The following CFAP299 variants were observed in gnomAD, a reference collection of about 807,000 sequenced individuals.
CFAP299 encodes cilia- and flagella-associated protein 299.
Under a neutral mutation model 27.0 loss-of-function variants are expected in CFAP299, and 21 were observed. The observed-to-expected ratio is 0.78, with a 90% CI of 0.55 to 1.12. The LOEUF (loss-of-function observed/expected upper bound fraction) is 1.12. CFAP299 is among the 50% of genes most tolerant of loss of function. The pLI is 0.00. For synonymous variants in CFAP299, 104 were observed against 98.1 expected, an observed-to-expected ratio of 1.06 and a Z score of -0.36; for missense variants, 310 against 276.6, an observed-to-expected ratio of 1.12 and a Z score of -0.86.
chr4:80,931,265 T>C (rs989379293), intron 4 of CFAP299, among the ~76,000 whole-genome samples: 1 of 152,072 alleles, frequency 6.6e-6, no homozygotes, highest in Admixed American at 6.6e-5. Context: ...AGCAACAATT[T>C]TCCTGTAGGC....
intron 2 of CFAP299, among the ~76,000 whole-genome samples, chr4:80,483,189 G>A (rs1331654015): frequency 1.2e-4 from 19 of 152,230 alleles, no homozygotes; most frequent in Admixed American, 1.2e-3. Flanking sequence ...GCCATTGCTG[G>A]CTTTGAGGGC....
upstream of CFAP299, among the ~76,000 whole-genome samples, chr4:80,335,067 A>C (rs28565042): frequency 0.025 from 3,871 of 152,324 alleles, 169 homozygotes; most frequent in African/African-American, 0.084. Flanking sequence ...AAAACAAAAA[A>C]TCTTTAGTGA....
Position 80,819,229 on chromosome 4 carries a change from G to T in CFAP299, c.334-50764G>T, listed in dbSNP as rs186269121. On this transcript the variant is annotated intron_variant, in intron 3 of 5. Transcript: ENST00000358105. ...GTCAGAGCAACAACAAATTTAGAGA[G>T]TAGAAAGAGTGATATCTGGGGGCTT... 2.4e-4 allele frequency among the ~76,000 whole-genome samples: 36 copies of T among 152,188 alleles called. 1 individual carries two copies. Among genetic ancestry groups the T allele is most frequent in the African/African-American group, 7.9e-4 (33 of 41,540 alleles).
In CFAP299 at chr4:80,631,907, A is replaced by G. The variant is rs528618414; in HGVS notation, c.333+48724A>G. 8.0e-5 allele frequency among the ~76,000 whole-genome samples: 10 copies of G among 125,262 alleles called. No individual in the cohort carries two copies. In the South Asian group the frequency reaches 2.2e-3, roughly 28 times the overall value. The allele number at this position is 125,262 out of a possible 152,430, so 82.2% of individuals were successfully genotyped here. On this transcript the variant is annotated intron_variant, in intron 3 of 5. Coordinates refer to ENST00000358105, the MANE Select transcript of CFAP299 (RefSeq NM_152770.3). ...TCATATGTTAACATTCTGACATCCA[A>G]TGTGCTGGTATTAGGCAGTGAGGCA...
chr4:80,710,993 T>C (rs1722131779), intron 3 of CFAP299, among the ~76,000 whole-genome samples: 1 of 152,142 alleles, frequency 6.6e-6, no homozygotes, highest in Admixed American at 6.5e-5. Context: ...GTATAACTCC[T>C]CTTGTTATCA....
At chr4:80,907,421 C>G (rs1044664741) in intron 4 of CFAP299, among the ~76,000 whole-genome samples, 7 of 152,180 alleles carry the variant, frequency 4.6e-5, no homozygotes, top group African/African-American at 1.4e-4. Context: ...TATAGCAGCA[C>G]CCCACTCCCC....
intron 3 of CFAP299, among the ~76,000 whole-genome samples, chr4:80,822,966 G>T (rs948573427): frequency 2.6e-5 from 4 of 151,976 alleles, no homozygotes; most frequent in Admixed American, 6.6e-5. Flanking sequence ...AACCACTTAC[G>T]TGAAGTTTTA....
chr4:80,712,681 A>G (rs1722245024), intron 3 of CFAP299, among the ~76,000 whole-genome samples: 2 of 152,212 alleles, frequency 1.3e-5, no homozygotes. Flanking sequence ...TTTTAAAAAA[A>G]TCACATACAG....
At chr4:80,422,275 T>A (rs1727320066) in intron 2 of CFAP299, among the ~76,000 whole-genome samples, 1 of 152,098 alleles carries the variant, frequency 6.6e-6, no homozygotes, top group African/African-American at 2.4e-5. Context: ...GTTGTTGGTA[T>A]AACAAACCAG....
intron 3 of CFAP299, among the ~76,000 whole-genome samples, chr4:80,859,231 A>C (rs936950804): frequency 1.3e-5 from 2 of 151,714 alleles, no homozygotes; most frequent in African/African-American, 4.8e-5. Flanking sequence ...TAGGATTGCA[A>C]CCCCTGCCTT....
chr4:80,602,425 T>A (rs1316702169), intron 3 of CFAP299, among the ~76,000 whole-genome samples: 1 of 151,308 alleles, frequency 6.6e-6, no homozygotes, highest in African/African-American at 2.4e-5. Flanking sequence ...AAAGGAAGAG[T>A]CCAAAATATG....
chr4:80,802,700 A>C (rs887490561), intron 3 of CFAP299, among the ~76,000 whole-genome samples: 5 of 152,034 alleles, frequency 3.3e-5, no homozygotes, highest in Non-Finnish European at 5.9e-5. Context: ...AATTTGAAAG[A>C]GAGTATTTGT....
At chr4:80,720,164 G>A (rs911394319) in intron 3 of CFAP299, among the ~76,000 whole-genome samples, 3 of 152,082 alleles carry the variant, frequency 2.0e-5, no homozygotes, top group Admixed American at 6.6e-5. Flanking sequence ...GAACGTCACA[G>A]ACAAAAAGCA....
rs530932502 is a variant in CFAP299, at chr4:80,408,782, A to G, written c.242+45898A>G. Among the ~76,000 whole-genome samples, 3 of 152,028 alleles carry G rather than the reference A, an allele frequency of 2.0e-5. No individual in the cohort carries two copies. The South Asian group carries it at 6.3e-4, about 32-fold the overall frequency. On this transcript the variant is annotated intron_variant, in intron 2 of 5. Coordinates refer to ENST00000358105, the MANE Select transcript of CFAP299 (RefSeq NM_152770.3). ...GTAAATGGGAGAAATGGGCAAGAAA[A>G]TTACTTACTTTTTTAAAAATTGAAT...
chr4:80,843,867 C>T (rs562099145), intron 3 of CFAP299, among the ~76,000 whole-genome samples: 262 of 152,136 alleles, frequency 1.7e-3, no homozygotes, highest in Non-Finnish European at 3.0e-3. Flanking sequence ...CCCATTAACT[C>T]GTCATTTAGC....
At chr4:80,585,710 A>C (rs1560639238) in intron 3 of CFAP299, among the ~76,000 whole-genome samples, 2 of 152,164 alleles carry the variant, frequency 1.3e-5, no homozygotes, top group African/African-American at 4.8e-5. Flanking sequence ...CACTGGCAGC[A>C]GTATATGGGG....
chr4:80,400,131 G>A (rs925637677), intron 2 of CFAP299, among the ~76,000 whole-genome samples: 1 of 152,116 alleles, frequency 6.6e-6, no homozygotes, highest in South Asian at 2.1e-4. Flanking sequence ...TGATATAGAT[G>A]CAATTAGATA....
At chr4:80,481,679 T>C (rs909893318) in intron 2 of CFAP299, among the ~76,000 whole-genome samples, 1 of 152,048 alleles carries the variant, frequency 6.6e-6, no homozygotes, top group South Asian at 2.1e-4. Flanking sequence ...AGGGCTAAAA[T>C]TGACTAGTTT....
At chr4:80,450,485 TA>T (rs1728845064) in intron 2 of CFAP299, among the ~76,000 whole-genome samples, 1 of 152,044 alleles carries the variant, frequency 6.6e-6, no homozygotes, top group Non-Finnish European at 1.5e-5. Context: ...TAAATCAAAG[TA>T]CTAGGAATAA....
Sources: gnomAD v4.1 joint callset for allele counts (sites outside exome capture counted in the v4.1 genomes callset) on GRCh38, gnomAD v4.1.1 for gene constraint, MANE v1.5 for transcripts, NCBI Gene and HGNC (gene_info 2026-07-23, HGNC 2026-07-21) for gene names.